Variants in FAM184A observed in about 807,000 individuals in gnomAD.
FAM184A encodes the protein protein FAM184A.
Under a neutral mutation model 143.8 loss-of-function variants are expected in FAM184A, and 99 were observed. The observed-to-expected ratio is 0.69, with a 90% CI of 0.58 to 0.81. The LOEUF (loss-of-function observed/expected upper bound fraction) is 0.81. FAM184A is among the 40% of genes least tolerant of loss of function. The pLI is 0.00. For missense variants in FAM184A, 1,217 were observed against 1,310.5 expected (o/e 0.93, Z 1.10); for synonymous variants, 427 against 446.4 (o/e 0.96, Z 0.55).
rs138121400 is a variant in FAM184A, at chr6:119,114,078, G to A, written c.-202+35000C>T. On this transcript the variant is annotated intron_variant, in intron 1 of 16. Coordinates refer to the FAM184A transcript ENST00000352896. ...CATAGGTATGTATGTATAGGAAAAAGCATAGCATATATAAGGTTCAGCATG... is the reference window on the plus strand; with the variant it reads ...CATAGGTATGTATGTATAGGAAAAAACATAGCATATATAAGGTTCAGCATG... Among the ~76,000 whole-genome samples, 523 of 152,242 alleles carry A rather than the reference G, an allele frequency of 3.4e-3. 3 individuals are homozygous for A. The highest frequency in any genetic ancestry group is 0.012 in the African/African-American group (492 of 41,548).
intron 1 of FAM184A, among the ~76,000 whole-genome samples, chr6:119,116,006 CAT>C (rs1361395144): frequency 3.7e-4 from 56 of 150,046 alleles, no homozygotes; most frequent in Middle Eastern, 3.4e-3. Flanking sequence ...CACACACACA[CAT>C]ACACACACAC....
At chr6:119,120,165 T>C (rs1005434722) in intron 1 of FAM184A, among the ~76,000 whole-genome samples, 1 of 152,244 alleles carries the variant, frequency 6.6e-6, no homozygotes, top group Non-Finnish European at 1.5e-5. Context: ...CATTTGCTGT[T>C]ACTCATAATC....
At position 119,024,077 on chromosome 6, in the gene FAM184A, C is replaced by A. The variant is rs907958825; in HGVS notation, c.896G>T (p.Arg299Leu). The A allele has an allele frequency of 6.2e-7, 1 of 1,614,126 alleles. No homozygotes were observed. The highest frequency in any genetic ancestry group is 1.7e-5 in the Admixed American group (1 of 60,016). ...KEFQGQEAIL[R>L]KTIGKLKTEL... ...TGTCTTTAATTTTCCTATAGTTTTTCGTAAAATTGCTTCTTGTCCCTGAAA... is the reference window on the plus strand; with the variant it reads ...TGTCTTTAATTTTCCTATAGTTTTTAGTAAAATTGCTTCTTGTCCCTGAAA... Residue 299 changes from arginine to leucine, a missense_variant, in exon 2 of 18, where the codon CGA becomes CTA. By Grantham distance (102) the Arg-to-Leu change is moderately radical. Transcript: ENST00000338891.
intron 1 of FAM184A, among the ~76,000 whole-genome samples, chr6:119,067,952 A>T (rs1787520903): frequency 6.6e-6 from 1 of 152,122 alleles, no homozygotes; most frequent in South Asian, 2.1e-4. Flanking sequence ...AGCCTGGGCA[A>T]CATAGCCAGA....
intron 1 of FAM184A, among the ~76,000 whole-genome samples, chr6:119,114,032 AG>A (rs1788998646): frequency 6.6e-6 from 1 of 152,188 alleles, no homozygotes; most frequent in Non-Finnish European, 1.5e-5. Context: ...TACGGTGCCT[AG>A]TTTATAAATT....
intron 1 of FAM184A, among the ~76,000 whole-genome samples, chr6:119,131,122 G>T (rs1480838549): frequency 6.6e-6 from 1 of 152,108 alleles, no homozygotes; most frequent in South Asian, 2.1e-4. Context: ...GCCTCCCAAA[G>T]TGTTGGGATT....
intron 4 of FAM184A, among the ~76,000 whole-genome samples, chr6:119,017,700 T>G (rs906526194): frequency 6.6e-6 from 1 of 152,194 alleles, no homozygotes; most frequent in Non-Finnish European, 1.5e-5. Flanking sequence ...AAAAGGGATG[T>G]TGACACAGGT....
chr6:118,992,612 C>T (rs1481419638), intron 9 of FAM184A, among the ~76,000 whole-genome samples: 1 of 152,130 alleles, frequency 6.6e-6, no homozygotes, highest in Non-Finnish European at 1.5e-5. Context: ...CTTGGACTTC[C>T]CAGAATCCAG....
intron 5 of FAM184A, among the ~76,000 whole-genome samples, chr6:119,012,260 G>A (rs1366031472): frequency 1.3e-5 from 2 of 152,290 alleles, no homozygotes; most frequent in East Asian, 1.9e-4. Context: ...AGTGTAAAAT[G>A]AGAAGAAGAA....
intron 1 of FAM184A, among the ~76,000 whole-genome samples, chr6:119,042,339 A>C (rs1365465014): frequency 6.6e-6 from 1 of 152,208 alleles, no homozygotes. Flanking sequence ...ACTGCAGGGC[A>C]TGTTCCTCGG....
At chr6:119,147,317 G>T (rs1217343379) in intron 1 of FAM184A, among the ~76,000 whole-genome samples, 1 of 149,984 alleles carries the variant, frequency 6.7e-6, no homozygotes, top group Admixed American at 6.7e-5. Flanking sequence ...GGTATTAACC[G>T]CTGGGCTTCC....
chr6:119,145,383 C>A (rs1012107766), intron 1 of FAM184A, among the ~76,000 whole-genome samples: 5 of 152,244 alleles, frequency 3.3e-5, no homozygotes, highest in South Asian at 2.1e-4. Flanking sequence ...TCTGCAAATA[C>A]ACCCTTCTGT....
intron 1 of FAM184A, among the ~76,000 whole-genome samples, chr6:119,089,468 A>G (rs1788315508): frequency 6.6e-6 from 1 of 152,062 alleles, no homozygotes; most frequent in Admixed American, 6.6e-5. Context: ...CTGGGAATAT[A>G]TACTTTTTAA....
At chr6:119,066,666 C>T (rs1432258268) in intron 1 of FAM184A, among the ~76,000 whole-genome samples, 1 of 152,198 alleles carries the variant, frequency 6.6e-6, no homozygotes, top group East Asian at 1.9e-4. Context: ...ATGAGCTTGG[C>T]TCCAGATCAA....
chr6:119,099,982 G>A (rs577622658), intron 1 of FAM184A, among the ~76,000 whole-genome samples: 1 of 152,260 alleles, frequency 6.6e-6, no homozygotes, highest in South Asian at 2.1e-4. Context: ...GCTTGAGATG[G>A]GCATCAAAAG....
intron 3 of FAM184A, among the ~76,000 whole-genome samples, chr6:119,020,419 G>A (rs2066409): frequency 6.6e-6 from 1 of 151,958 alleles, no homozygotes; most frequent in Non-Finnish European, 1.5e-5. Context: ...CGTTTTACTG[G>A]TTTTTTTTGT....
intron 7 of FAM184A, among the ~76,000 whole-genome samples, chr6:119,005,010 C>A (rs1348543502): frequency 6.6e-6 from 1 of 152,086 alleles, no homozygotes; most frequent in Non-Finnish European, 1.5e-5. Context: ...AGAAATATTT[C>A]AACTGTCTAC....
At position 119,004,207 on chromosome 6, in the gene FAM184A, A is replaced by G. The variant is rs558925469; in HGVS notation, c.1816-585T>C. On this transcript the variant is annotated intron_variant, in intron 7 of 17. Transcript: ENST00000338891. Reference sequence around the variant, plus strand: ...AAGTGGCTCTGTGGAGCCTGGGGATAGAGGTGACCTGTTTGGACAACAGTG... The same window carrying G: ...AAGTGGCTCTGTGGAGCCTGGGGATGGAGGTGACCTGTTTGGACAACAGTG... Among the ~76,000 whole-genome samples, 3 of 152,366 alleles carry G rather than the reference A, an allele frequency of 2.0e-5. No homozygotes were observed. The South Asian group carries it at 6.2e-4, about 32-fold the overall frequency.
At chr6:118,968,719 A>G (rs1783575947) in intron 14 of FAM184A, among the ~76,000 whole-genome samples, 1 of 152,362 alleles carries the variant, frequency 6.6e-6, no homozygotes, top group South Asian at 2.1e-4. Flanking sequence ...GTAGCTAAAC[A>G]ACTAAATTTA....
Sources: allele counts gnomAD v4.1 joint callset (sites outside exome capture counted in the v4.1 genomes callset), GRCh38; gene constraint gnomAD v4.1.1; transcripts MANE v1.5; gene names NCBI Gene and HGNC (gene_info 2026-07-23, HGNC 2026-07-21).